The following CAMK2A variants were observed in gnomAD, a reference collection of about 807,000 sequenced individuals.
CAMK2A encodes calcium/calmodulin-dependent protein kinase type II subunit alpha.
A neutral mutation model predicts 79.2 loss-of-function variants in CAMK2A; 7 were observed. That is an observed-to-expected ratio of 0.09 (90% CI 0.05 to 0.17). CAMK2A has a LOEUF of 0.17. Ranked by LOEUF, CAMK2A falls within the 10% of genes least tolerant of loss-of-function variation. CAMK2A has a pLI of 1.00. For missense variants in CAMK2A, 214 were observed against 646.4 expected (o/e 0.33, Z 7.25); for synonymous variants, 242 against 251.7 (o/e 0.96, Z 0.36).
In CAMK2A at chr5:150,222,988, C is replaced by T; in HGVS notation, c.1466+1G>A. On this transcript the variant is annotated splice_donor_variant, in intron 18 of 18. Transcript: ENST00000671881. LOFTEE classifies it high-confidence loss of function. ...GGGAGGCAGGAAGGAGGGATTCTTA[C>T]TGGGGCAGGACGGAGGGCGCCCCAG... is the stretch of plus-strand genomic sequence containing the variant. 6.2e-7 allele frequency: 1 copy of T among 1,613,512 alleles called. No homozygotes were observed. Among genetic ancestry groups the T allele is most frequent in the Non-Finnish European group, 8.5e-7 (1 of 1,179,452 alleles).
chr5:150,248,471 G>A (rs1463535235), intron 11 of CAMK2A, among the ~76,000 whole-genome samples: 1 of 144,960 alleles, frequency 6.9e-6, no homozygotes, highest in Non-Finnish European at 1.5e-5. Flanking sequence ...ATCTCCTAAT[G>A]CTATCCCTCC....
In CAMK2A at chr5:150,250,318, A is replaced by C; in HGVS notation, c.817-9T>G. ...GCCACGGTGGAGCGGTGCTGGAGGA[A>C]GTAGGGGAGAGGGCTGTGAGTGGAA... On this transcript the variant is annotated splice_polypyrimidine_tract_variant and intron_variant, in intron 10 of 18. Coordinates refer to ENST00000671881, the MANE Select transcript of CAMK2A (RefSeq NM_015981.4). 6.2e-7 allele frequency: 1 copy of C among 1,611,864 alleles called. No homozygotes were observed. Among genetic ancestry groups the C allele is most frequent in the Middle Eastern group, 1.7e-4 (1 of 6,016 alleles).
At chr5:150,287,355 T>C (rs976985543) in intron 1 of CAMK2A, among the ~76,000 whole-genome samples, 2 of 152,176 alleles carry the variant, frequency 1.3e-5, no homozygotes, top group Non-Finnish European at 2.9e-5. Context: ...CCTGAAGGAA[T>C]ATGTGACCTA....
At chr5:150,287,320 C>G (rs116612876) in intron 1 of CAMK2A, among the ~76,000 whole-genome samples, 1 of 152,186 alleles carries the variant, frequency 6.6e-6, no homozygotes, top group Non-Finnish European at 1.5e-5. Context: ...TTCTGGGGAA[C>G]GTAGATTTAG....
Position 150,221,796 on chromosome 5 carries a change from C to A in CAMK2A, c.*914G>T. On this transcript the variant is annotated 3_prime_UTR_variant, in exon 19 of 19. Transcript: ENST00000671881. ...AACAGAAAAAAACTACCCCTCACCC[C>A]TCTTCCTACACCCCTTCCAACCTGA... 5.1e-6 allele frequency: 2 copies of A among 394,592 alleles called. No individual in the cohort carries two copies. The highest frequency in any genetic ancestry group is 8.9e-6 in the Non-Finnish European group (2 of 224,188). 24.4% of individuals were successfully genotyped at this position (394,592 alleles called of 1,614,324 possible). A position where few individuals can be genotyped will look rare whatever the true frequency, so the allele number is the denominator to read the frequency against.
intron 1 of CAMK2A, among the ~76,000 whole-genome samples, chr5:150,285,913 G>A (rs1285245958): frequency 2.0e-5 from 3 of 152,130 alleles, no homozygotes; most frequent in Non-Finnish European, 4.4e-5. Context: ...CCAATGGCTG[G>A]AAAAGGCTCG....
At chr5:150,264,807 T>A (rs940261941) in intron 3 of CAMK2A, 149 bp downstream of exon 3, 6 of 651,462 alleles carry the variant, frequency 9.2e-6, no homozygotes, top group African/African-American at 9.1e-5. Flanking sequence ...TGGAAACCAT[T>A]AAAGACGCCC....
chr5:150,236,631 G>A (rs1755072023), intron 15 of CAMK2A, among the ~76,000 whole-genome samples: 1 of 152,202 alleles, frequency 6.6e-6, no homozygotes, highest in African/African-American at 2.4e-5. Flanking sequence ...CTGAGGCCAG[G>A]ATTATGTGGC....
chr5:150,241,385 C>T (rs1339029269), intron 13 of CAMK2A, among the ~76,000 whole-genome samples: 1 of 148,500 alleles, frequency 6.7e-6, no homozygotes, highest in Non-Finnish European at 1.5e-5. Flanking sequence ...CTGTCTCCTT[C>T]CCTCTCTCCT....
intron 7 of CAMK2A, 75 bp from the exon 8 acceptor site, chr5:150,252,140 TG>T: frequency 1.8e-6 from 2 of 1,119,092 alleles, no homozygotes; most frequent in Non-Finnish European, 2.7e-6. Flanking sequence ...AAGATCCTGC[TG>T]GAAGAGGGGA....
intron 3 of CAMK2A, among the ~76,000 whole-genome samples, chr5:150,262,463 G>A (rs942389390): frequency 6.6e-6 from 1 of 152,124 alleles, no homozygotes; most frequent in Non-Finnish European, 1.5e-5. Flanking sequence ...CTCCTCTGGG[G>A]TCTTCCTGTG....
At chr5:150,269,166 C>G (rs960673884) in intron 2 of CAMK2A, among the ~76,000 whole-genome samples, 2 of 150,610 alleles carry the variant, frequency 1.3e-5, no homozygotes, top group African/African-American at 5.0e-5. Context: ...CAGCCTCCTG[C>G]CTGGGGACCT....
chr5:150,221,675 G>C lies in CAMK2A; in HGVS notation c.*1035C>G. On this transcript the variant is annotated 3_prime_UTR_variant, in exon 19 of 19. Transcript: ENST00000671881. ...CTCACCTTGGGACCGAAATGGCAGA[G>C]AGGCCCTTCTCCCCGGAGCTGAGTC... is the stretch of plus-strand genomic sequence containing the variant. The C allele has an allele frequency of 2.5e-6, 1 of 395,040 alleles. No homozygotes were observed. The highest frequency in any genetic ancestry group is 1.3e-4 in the South Asian group (1 of 7,626). 24.5% of individuals were successfully genotyped at this position (395,040 alleles called of 1,614,324 possible).
At chr5:150,237,014 T>G (rs2114036651) in intron 15 of CAMK2A, among the ~76,000 whole-genome samples, 1 of 152,268 alleles carries the variant, frequency 6.6e-6, no homozygotes, top group Non-Finnish European at 1.5e-5. Flanking sequence ...CTCAGCCTCC[T>G]GAGTAGTTCA....
chr5:150,237,555 C>T (rs1488654426), intron 15 of CAMK2A, among the ~76,000 whole-genome samples: 2 of 152,164 alleles, frequency 1.3e-5, no homozygotes, highest in African/African-American at 2.4e-5. Context: ...TTCCCACCAC[C>T]GAGGCCTTCA....
At chr5:150,231,438 A>G (rs1754837405) in intron 15 of CAMK2A, 58 bp from the exon 16 acceptor site, 3 of 710,950 alleles carry the variant, frequency 4.2e-6, no homozygotes, top group Non-Finnish European at 4.0e-6. Flanking sequence ...TAATAATAAT[A>G]ATAATAGTGA....
chr5:150,250,052 T>C (rs1473882369), intron 11 of CAMK2A, among the ~76,000 whole-genome samples, 174 bp downstream of exon 11: 1 of 152,178 alleles, frequency 6.6e-6, no homozygotes, highest in East Asian at 1.9e-4. Context: ...AAGGGCTCAG[T>C]CATTCACCGC....
At position 150,219,640 on chromosome 5, in the gene CAMK2A, G is replaced by GA. The variant is rs11398735; in HGVS notation, c.*3069dup. The GA allele has an allele frequency of 0.89, 113,974 of 128,102 alleles. 50,425 individuals are homozygous for GA. The highest frequency in any genetic ancestry group is 0.93 in the Admixed American group (11,264 of 12,050). The allele number at this position is 128,102 out of a possible 1,614,324, so 7.9% of individuals were successfully genotyped here. A position where few individuals can be genotyped will look rare whatever the true frequency, so the allele number is the denominator to read the frequency against. ...AGCCACATATTTTTAAAAAAGAAAA[G>GA]AAAAAAAAAAAGAACTAAAACAAAA... On this transcript the variant is annotated 3_prime_UTR_variant, in exon 19 of 19. Coordinates refer to ENST00000671881, the MANE Select transcript of CAMK2A (RefSeq NM_015981.4).
chr5:150,263,938 A>C (rs1285285711), intron 3 of CAMK2A, among the ~76,000 whole-genome samples: 1 of 152,142 alleles, frequency 6.6e-6, no homozygotes, highest in African/African-American at 2.4e-5. Context: ...AGGGAAGGGG[A>C]GGTGCCTTCT....
Sources: allele counts gnomAD v4.1 joint callset (sites outside exome capture counted in the v4.1 genomes callset), GRCh38; gene constraint gnomAD v4.1.1; transcripts MANE v1.5; gene names NCBI Gene and HGNC (gene_info 2026-07-23, HGNC 2026-07-21).